Variants in FBXL13 observed in about 807,000 individuals in gnomAD.
The protein encoded by FBXL13 is F-box and leucine rich repeat protein 13, also known as F-box and leucine-rich repeat protein 13.
In FBXL13, 67 loss-of-function variants were observed where a neutral mutation model predicts 83.6. The observed-to-expected ratio is 0.80, with a 90% CI of 0.66 to 0.98. The LOEUF (loss-of-function observed/expected upper bound fraction) is 0.98, where lower values mean the gene tolerates loss of function less well. Among genes scored for constraint, FBXL13 ranks in the 50% least tolerant of loss-of-function variants. FBXL13 has a pLI of 0.00. For synonymous variants in FBXL13, 272 were observed against 299.5 expected, an observed-to-expected ratio of 0.91 and a Z score of 0.95; for missense variants, 822 against 866.5, an observed-to-expected ratio of 0.95 and a Z score of 0.64.
At chr7:102,830,746 T>C (rs1426053808) in intron 18 of FBXL13, among the ~76,000 whole-genome samples, 1 of 152,202 alleles carries the variant, frequency 6.6e-6, no homozygotes, top group Non-Finnish European at 1.5e-5. Context: ...TGTGATGCTG[T>C]AGTAAACAAA....
At chr7:102,873,616 A>G (rs1251657416) in intron 16 of FBXL13, among the ~76,000 whole-genome samples, 1 of 152,220 alleles carries the variant, frequency 6.6e-6, no homozygotes, top group Non-Finnish European at 1.5e-5. Flanking sequence ...AAATCTGACC[A>G]TGTTACTGTT....
At chr7:102,938,674 A>G (rs936994800) in intron 8 of FBXL13, among the ~76,000 whole-genome samples, 1 of 152,198 alleles carries the variant, frequency 6.6e-6, no homozygotes, top group African/African-American at 2.4e-5. Context: ...GTCTGGGGAA[A>G]TGTATATTTA....
Position 103,036,225 on chromosome 7 carries a change from C to T in FBXL13, c.1-6807G>A, listed in dbSNP as rs149241725. The stretch of plus-strand genomic sequence containing the variant: ...ATGGAAAAAATTTCTTCCACAAAAC[C>T]AGTCTCTGGTACCAAAAAGGTTGGT... On this transcript the variant is annotated intron_variant, in intron 2 of 19. Coordinates refer to ENST00000313221, the Ensembl canonical transcript of FBXL13. 2.1e-3 allele frequency among the ~76,000 whole-genome samples: 314 copies of T among 152,204 alleles called. 2 individuals are homozygous for T. The highest frequency in any genetic ancestry group is 7.2e-3 in the African/African-American group (298 of 41,520).
At chr7:102,900,571 C>A (rs777092925) in intron 11 of FBXL13, among the ~76,000 whole-genome samples, 1 of 152,180 alleles carries the variant, frequency 6.6e-6, no homozygotes. Flanking sequence ...TTTTGTACTA[C>A]ACCCAGAGCT....
chr7:102,814,585 C>G (rs1028612926), intron 19 of FBXL13, among the ~76,000 whole-genome samples: 3 of 152,190 alleles, frequency 2.0e-5, no homozygotes, highest in African/African-American at 7.2e-5. Context: ...CTAATTCTGC[C>G]TCTAAGCACA....
At chr7:102,995,503 A>AAAAAAAAAAAAG (rs1830014027) in intron 6 of FBXL13, among the ~76,000 whole-genome samples, 1 of 146,608 alleles carries the variant, frequency 6.8e-6, no homozygotes, top group African/African-American at 2.5e-5. Context: ...AAAAAAAAAA[A>AAAAAAAAAAAAG]ATAGGCCGGG....
intron 17 of FBXL13, among the ~76,000 whole-genome samples, chr7:102,844,258 T>C (rs550633931): frequency 1.6e-4 from 24 of 152,354 alleles, no homozygotes; most frequent in Admixed American, 1.1e-3. Context: ...GAGGGAGCTA[T>C]GTTTGGGTTT....
At chr7:103,007,917 T>C (rs1200620783) in intron 6 of FBXL13, among the ~76,000 whole-genome samples, 3 of 151,594 alleles carry the variant, frequency 2.0e-5, no homozygotes, top group African/African-American at 7.3e-5. Flanking sequence ...TCAAGAAGGG[T>C]GAGGAGAGTG....
At chr7:102,840,941 C>T (rs943202992) in intron 17 of FBXL13, among the ~76,000 whole-genome samples, 29 of 152,126 alleles carry the variant, frequency 1.9e-4, no homozygotes, top group Admixed American at 4.6e-4. Context: ...GATCCTGGAA[C>T]GATCCTATCT....
chr7:103,063,420 G>T (rs765228139), intron 1 of FBXL13, among the ~76,000 whole-genome samples: 2 of 152,152 alleles, frequency 1.3e-5, no homozygotes, highest in African/African-American at 2.4e-5. Flanking sequence ...CAAATGCTAT[G>T]CCACTTTTTA....
intron 16 of FBXL13, among the ~76,000 whole-genome samples, chr7:102,866,539 G>A (rs1807684599): frequency 6.6e-6 from 1 of 152,124 alleles, no homozygotes; most frequent in Non-Finnish European, 1.5e-5. Context: ...CTGAACTACC[G>A]TGCTTCCTTT....
intron 15 of FBXL13, 97 bp from the exon 17 acceptor site, chr7:102,877,690 T>C (rs975116985): frequency 1.9e-5 from 24 of 1,271,972 alleles, no homozygotes; most frequent in Admixed American, 1.6e-4. Context: ...CAAATGGTAT[T>C]GAAGCAAAGA....
chr7:102,818,977 A>AGT (rs1267677639), intron 19 of FBXL13, among the ~76,000 whole-genome samples: 2 of 151,456 alleles, frequency 1.3e-5, no homozygotes, highest in Non-Finnish European at 2.9e-5. Flanking sequence ...GACAGGCCCC[A>AGT]GTGTGTGTTG....
intron 17 of FBXL13, among the ~76,000 whole-genome samples, chr7:102,835,692 C>T (rs1801809665): frequency 8.2e-6 from 1 of 122,130 alleles, no homozygotes; most frequent in Non-Finnish European, 1.6e-5. Context: ...TCACTGCAAG[C>T]TCCGCCTCCC....
intron 6 of FBXL13, among the ~76,000 whole-genome samples, chr7:102,996,646 G>C (rs974899602): frequency 1.3e-5 from 2 of 152,156 alleles, no homozygotes; most frequent in African/African-American, 4.8e-5. Context: ...ACACATCAAT[G>C]AAATTCCTGA....
chr7:103,049,132 AC>A (rs1282530098), intron 2 of FBXL13, among the ~76,000 whole-genome samples: 1 of 152,174 alleles, frequency 6.6e-6, no homozygotes, highest in Non-Finnish European at 1.5e-5. Flanking sequence ...AATTTACTCT[AC>A]AAGATCCTTT....
chr7:102,968,349 T>C (rs931279666), intron 6 of FBXL13, among the ~76,000 whole-genome samples: 2 of 152,234 alleles, frequency 1.3e-5, no homozygotes, highest in African/African-American at 2.4e-5. Flanking sequence ...TTTTATATAA[T>C]GTAATCCTTT....
intron 17 of FBXL13, among the ~76,000 whole-genome samples, chr7:102,852,954 A>C (rs906076604): frequency 6.6e-6 from 1 of 152,218 alleles, no homozygotes; most frequent in Non-Finnish European, 1.5e-5. Flanking sequence ...TCCATCAATC[A>C]ATGAGTAGAT....
At chr7:102,999,192 CTTTGAT>C (rs1790134854) in intron 6 of FBXL13, among the ~76,000 whole-genome samples, 1 of 151,728 alleles carries the variant, frequency 6.6e-6, no homozygotes, top group South Asian at 2.1e-4. Flanking sequence ...ATACGGTTGT[CTTTGAT>C]TTTGTTGATG....
Sources: gnomAD v4.1 joint callset for allele counts (sites outside exome capture counted in the v4.1 genomes callset) on GRCh38, gnomAD v4.1.1 for gene constraint, MANE v1.5 for transcripts, NCBI Gene and HGNC (gene_info 2026-07-23, HGNC 2026-07-21) for gene names.